Variants in MGAT4C observed in about 807,000 individuals in gnomAD.
MGAT4C encodes alpha-1,3-mannosyl-glycoprotein 4-beta-N-acetylglucosaminyltransferase C.
A neutral mutation model predicts 40.1 loss-of-function variants in MGAT4C; 19 were observed. That is an observed-to-expected ratio of 0.47 (90% confidence interval 0.33 to 0.70). The LOEUF is 0.70. Among genes scored for constraint, MGAT4C ranks in the 30% least tolerant of loss-of-function variants. MGAT4C has a pLI of 0.02. For synonymous variants in MGAT4C, 181 were observed against 187.1 expected (o/e 0.97, Z 0.27); for missense variants, 491 against 563.2 (o/e 0.87, Z 1.30).
At chr12:86,599,918 T>TTTTTG (rs368556647) in intron 2 of MGAT4C, among the ~76,000 whole-genome samples, 3 of 152,186 alleles carry the variant, frequency 2.0e-5, no homozygotes, top group Admixed American at 6.5e-5. Context: ...CAGTGGTTTT[T>TTTTTG]TTTTGTTTTG....
chr12:86,647,468 G>T (rs1007579873), intron 2 of MGAT4C, among the ~76,000 whole-genome samples: 2 of 151,874 alleles, frequency 1.3e-5, no homozygotes, highest in African/African-American at 4.8e-5. Context: ...TGATACTGAT[G>T]AAGAGAGCCT....
At chr12:86,235,841 T>C (rs1951515100) in intron 1 of MGAT4C, among the ~76,000 whole-genome samples, 1 of 152,030 alleles carries the variant, frequency 6.6e-6, no homozygotes. Context: ...GTTATTGTCC[T>C]TAGAGTTTAG....
intron 2 of MGAT4C, among the ~76,000 whole-genome samples, chr12:86,484,693 C>G (rs1427811428): frequency 1.3e-5 from 2 of 152,182 alleles, no homozygotes; most frequent in African/African-American, 4.8e-5. Context: ...GCTCCAATCA[C>G]AGGGCTGGTC....
intron 2 of MGAT4C, among the ~76,000 whole-genome samples, chr12:86,480,913 T>C (rs1404643288): frequency 6.6e-6 from 1 of 151,782 alleles, no homozygotes; most frequent in Admixed American, 6.6e-5. Context: ...CTTAATCACA[T>C]CAGGACATTT....
At chr12:86,723,183 T>A (rs1022145078) in intron 2 of MGAT4C, among the ~76,000 whole-genome samples, 1 of 152,198 alleles carries the variant, frequency 6.6e-6, no homozygotes, top group Non-Finnish European at 1.5e-5. Context: ...GCTAGTTTCA[T>A]CGTTGTTCCT....
At chr12:86,134,028 A>T (rs1185944273) in intron 1 of MGAT4C, among the ~76,000 whole-genome samples, 1 of 151,964 alleles carries the variant, frequency 6.6e-6, no homozygotes, top group Non-Finnish European at 1.5e-5. Flanking sequence ...TGCATTTTTT[A>T]TTTTTCTTGA....
chr12:86,595,747 A>G (rs1313514445), intron 2 of MGAT4C, among the ~76,000 whole-genome samples: 1 of 152,198 alleles, frequency 6.6e-6, no homozygotes, highest in African/African-American at 2.4e-5. Flanking sequence ...AAATTTTTTG[A>G]GCCTTTTAAC....
chr12:86,584,664 CA>C (rs1422784057), intron 2 of MGAT4C, among the ~76,000 whole-genome samples: 3 of 151,250 alleles, frequency 2.0e-5, no homozygotes, highest in Non-Finnish European at 4.4e-5. Context: ...GTTGCTCATT[CA>C]ATGCGTATAT....
At chr12:86,477,769 C>T (rs575633876) in intron 2 of MGAT4C, among the ~76,000 whole-genome samples, 6 of 152,054 alleles carry the variant, frequency 3.9e-5, no homozygotes, top group South Asian at 2.1e-4. Context: ...CAACAGGCCC[C>T]GGTGTGTGAT....
intron 1 of MGAT4C, among the ~76,000 whole-genome samples, chr12:86,200,646 G>A (rs961438143): frequency 2.0e-5 from 3 of 152,164 alleles, no homozygotes; most frequent in South Asian, 2.1e-4. Context: ...CGGGACATTT[G>A]TGTAGATTTT....
intron 2 of MGAT4C, among the ~76,000 whole-genome samples, chr12:86,590,286 C>T (rs1961271723): frequency 6.7e-6 from 1 of 150,162 alleles, no homozygotes; most frequent in South Asian, 2.1e-4. Flanking sequence ...TTTCCCTGAA[C>T]CACACAATTA....
At chr12:86,370,482 G>A (rs566598740) in intron 3 of MGAT4C, among the ~76,000 whole-genome samples, 1 of 152,172 alleles carries the variant, frequency 6.6e-6, no homozygotes, top group East Asian at 1.9e-4. Context: ...TGAGCTTTCA[G>A]ATATAAGAAG....
At chr12:86,578,605 T>C (rs1020209467) in intron 2 of MGAT4C, among the ~76,000 whole-genome samples, 3 of 151,748 alleles carry the variant, frequency 2.0e-5, no homozygotes, top group Non-Finnish European at 4.4e-5. Context: ...GTAGGTTGTA[T>C]GTATTTAGTA....
chr12:86,617,954 CA>C, intron 2 of MGAT4C, among the ~76,000 whole-genome samples: 1 of 152,162 alleles, frequency 6.6e-6, no homozygotes, highest in South Asian at 2.1e-4. Context: ...AACTAATACC[CA>C]GAATATGTAA....
At chr12:86,777,999 T>G (rs1951773050) in intron 1 of MGAT4C, among the ~76,000 whole-genome samples, 1 of 152,152 alleles carries the variant, frequency 6.6e-6, no homozygotes, top group South Asian at 2.1e-4. Flanking sequence ...TATTCCTTTT[T>G]CTCTAGAAGT....
chr12:86,180,450 C>G (rs950408906), intron 1 of MGAT4C, among the ~76,000 whole-genome samples: 23 of 152,264 alleles, frequency 1.5e-4, no homozygotes, highest in African/African-American at 4.8e-4. Context: ...GATACACAGA[C>G]AGCTTGCACC....
At chr12:85,996,176 T>C (rs886339122) in intron 2 of MGAT4C, among the ~76,000 whole-genome samples, 1 of 151,884 alleles carries the variant, frequency 6.6e-6, no homozygotes, top group African/African-American at 2.4e-5. Context: ...AAGACATAAC[T>C]GAGATGATAG....
chr12:86,755,561 T>TTTCC (rs1329374682), intron 1 of MGAT4C, among the ~76,000 whole-genome samples: 3 of 151,868 alleles, frequency 2.0e-5, no homozygotes, highest in Non-Finnish European at 4.4e-5. Flanking sequence ...TCTTTTCTCT[T>TTTCC]TTTCTTTCTT....
chr12:86,768,517 C>T (rs1234460846), intron 1 of MGAT4C, among the ~76,000 whole-genome samples: 1 of 151,818 alleles, frequency 6.6e-6, no homozygotes, highest in Non-Finnish European at 1.5e-5. Context: ...GAAAAAACTA[C>T]TTTAAAGTTC....
Sources: allele counts gnomAD v4.1 joint callset (sites outside exome capture counted in the v4.1 genomes callset), GRCh38; gene constraint gnomAD v4.1.1; transcripts MANE v1.5; gene names NCBI Gene and HGNC (gene_info 2026-07-23, HGNC 2026-07-21).